Variants in KCNH8 observed in about 807,000 individuals in gnomAD.
KCNH8 encodes voltage-gated delayed rectifier potassium channel KCNH8.
A neutral mutation model predicts 103.6 loss-of-function variants in KCNH8; 70 were observed. That is an observed-to-expected ratio of 0.68 (90% CI 0.56 to 0.82). KCNH8 has a LOEUF of 0.82. KCNH8 is among the 40% of genes least tolerant of loss of function. The pLI, the probability that KCNH8 is intolerant of heterozygous loss-of-function variation, is 0.00. For synonymous variants in KCNH8, 498 were observed against 489.4 expected (o/e 1.02, Z -0.23); for missense variants, 1,217 against 1,329.9 (o/e 0.92, Z 1.32).
chr3:19,419,191 T>TTC (rs1559318805), intron 7 of KCNH8, among the ~76,000 whole-genome samples: 11 of 104,942 alleles, frequency 1.0e-4, no homozygotes, highest in African/African-American at 4.7e-4. Flanking sequence ...TTAAAATGGT[T>TTC]TTGGTTTTTT....
At chr3:19,524,335 G>A (rs1325226367) in intron 15 of KCNH8, among the ~76,000 whole-genome samples, 1 of 151,824 alleles carries the variant, frequency 6.6e-6, no homozygotes, top group Admixed American at 6.6e-5. Context: ...TTTTGACCTA[G>A]AACGACAAAA....
At chr3:19,386,612 A>G (rs1366191717) in intron 5 of KCNH8, among the ~76,000 whole-genome samples, 1 of 152,108 alleles carries the variant, frequency 6.6e-6, no homozygotes, top group Non-Finnish European at 1.5e-5. Context: ...TGTGTTTTGT[A>G]CTTATGGACA....
chr3:19,297,489 T>C (rs540713984), intron 3 of KCNH8, among the ~76,000 whole-genome samples: 1 of 152,300 alleles, frequency 6.6e-6, no homozygotes, highest in East Asian at 1.9e-4. Flanking sequence ...ACTTCCTGAA[T>C]AGATAGTTCA....
intron 1 of KCNH8, among the ~76,000 whole-genome samples, chr3:19,158,835 T>G (rs972800911): frequency 3.3e-5 from 5 of 151,940 alleles, no homozygotes; most frequent in African/African-American, 1.2e-4. Context: ...AGATAAGAAA[T>G]AATACTGGTC....
intron 1 of KCNH8, among the ~76,000 whole-genome samples, chr3:19,184,282 G>GA (rs1277296071): frequency 2.0e-5 from 3 of 151,908 alleles, no homozygotes; most frequent in African/African-American, 7.2e-5. Context: ...TTTTGAGAGA[G>GA]AAAATACAAG....
At chr3:19,395,440 C>G in intron 7 of KCNH8, 129 bp downstream of exon 7, 1 of 603,008 alleles carries the variant, frequency 1.7e-6, no homozygotes, top group Non-Finnish European at 2.8e-6. Context: ...TAATTAATTT[C>G]TATTTTTGAA....
chr3:19,176,651 A>G (rs2063402589), intron 1 of KCNH8, among the ~76,000 whole-genome samples: 1 of 152,166 alleles, frequency 6.6e-6, no homozygotes, highest in African/African-American at 2.4e-5. Context: ...AGTGTTATAT[A>G]GTTGAAAAAA....
At chr3:19,409,915 A>G (rs897964438) in intron 7 of KCNH8, among the ~76,000 whole-genome samples, 3 of 152,122 alleles carry the variant, frequency 2.0e-5, no homozygotes, top group South Asian at 2.1e-4. Flanking sequence ...CAGCCACACA[A>G]TAATAGTGGG....
At chr3:19,440,222 T>C (rs1416025266) in intron 8 of KCNH8, among the ~76,000 whole-genome samples, 1 of 152,182 alleles carries the variant, frequency 6.6e-6, no homozygotes, top group Non-Finnish European at 1.5e-5. Flanking sequence ...ATAACATGAA[T>C]TATTGCATGT....
At chr3:19,197,321 C>T (rs1412257376) in intron 1 of KCNH8, among the ~76,000 whole-genome samples, 1 of 151,950 alleles carries the variant, frequency 6.6e-6, no homozygotes, top group Non-Finnish European at 1.5e-5. Flanking sequence ...TTAGTTTTCT[C>T]TGTTATGAGG....
intron 11 of KCNH8, among the ~76,000 whole-genome samples, chr3:19,502,350 A>C (rs987096299): frequency 4.6e-5 from 7 of 150,630 alleles, no homozygotes; most frequent in Non-Finnish European, 8.9e-5. Context: ...ATACTGCCCA[A>C]GGTAATTTAC....
At chr3:19,161,937 G>A (rs1307836407) in intron 1 of KCNH8, among the ~76,000 whole-genome samples, 1 of 151,874 alleles carries the variant, frequency 6.6e-6, no homozygotes, top group Admixed American at 6.6e-5. Flanking sequence ...AAAACTATTT[G>A]GCATGATACT....
chr3:19,181,720 T>A (rs1332331060), intron 1 of KCNH8, among the ~76,000 whole-genome samples: 1 of 152,180 alleles, frequency 6.6e-6, no homozygotes, highest in Non-Finnish European at 1.5e-5. Context: ...TTATAGTTTG[T>A]CCTCATTGTC....
At chr3:19,481,349 T>C (rs999960421) in intron 11 of KCNH8, among the ~76,000 whole-genome samples, 4 of 152,100 alleles carry the variant, frequency 2.6e-5, no homozygotes, top group Admixed American at 2.0e-4. Context: ...CTCTTTTGTC[T>C]AATTTACTTC....
At chr3:19,321,918 T>C (rs1260892682) in intron 3 of KCNH8, among the ~76,000 whole-genome samples, 1 of 152,172 alleles carries the variant, frequency 6.6e-6, no homozygotes, top group Non-Finnish European at 1.5e-5. Context: ...ATCGGTCCTT[T>C]TATCATTATA....
chr3:19,481,971 T>C (rs762469374), intron 11 of KCNH8, among the ~76,000 whole-genome samples: 1 of 152,146 alleles, frequency 6.6e-6, no homozygotes, highest in Non-Finnish European at 1.5e-5. Flanking sequence ...GGAAAGGGCT[T>C]TATTCACCTG....
At chr3:19,526,855 A>G (rs1404990300) in intron 15 of KCNH8, among the ~76,000 whole-genome samples, 1 of 152,028 alleles carries the variant, frequency 6.6e-6, no homozygotes, top group African/African-American at 2.4e-5. Context: ...GTCATAAGAA[A>G]TTCACCATGC....
At chr3:19,252,147 T>A (rs1023006462) in intron 1 of KCNH8, among the ~76,000 whole-genome samples, 4 of 152,152 alleles carry the variant, frequency 2.6e-5, no homozygotes, top group African/African-American at 9.6e-5. Context: ...TTTGAATGCC[T>A]TATCTTAAAC....
chr3:19,157,840 A>G (rs185045989), intron 1 of KCNH8, among the ~76,000 whole-genome samples: 1 of 151,904 alleles, frequency 6.6e-6, no homozygotes, highest in East Asian at 1.9e-4. Flanking sequence ...TGAGCCATTT[A>G]TATAGTTTTA....
Sources: gnomAD v4.1 joint callset for allele counts (sites outside exome capture counted in the v4.1 genomes callset) on GRCh38, gnomAD v4.1.1 for gene constraint, MANE v1.5 for transcripts, NCBI Gene and HGNC (gene_info 2026-07-23, HGNC 2026-07-21) for gene names.